CTNND2: variants seen among roughly 807,000 people sequenced by gnomAD.
CTNND2 encodes the protein catenin delta 2.
Under a neutral mutation model 144.4 loss-of-function variants are expected in CTNND2, and 22 were observed. The observed-to-expected ratio is 0.15, with a 90% confidence interval of 0.11 to 0.22. The LOEUF (loss-of-function observed/expected upper bound fraction) is 0.22, where lower values mean the gene tolerates loss of function less well. Ranked by LOEUF, CTNND2 falls within the 10% of genes least tolerant of loss-of-function variation. The pLI is 1.00. For synonymous variants in CTNND2, 751 were observed against 695.6 expected, an observed-to-expected ratio of 1.08 and a Z score of -1.25; for missense variants, 1,353 against 1,618.8, an observed-to-expected ratio of 0.84 and a Z score of 2.82.
intron 2 of CTNND2, among the ~76,000 whole-genome samples, chr5:11,720,969 T>C (rs959408912): frequency 6.6e-6 from 1 of 152,182 alleles, no homozygotes. Context: ...TAGGTTTTTA[T>C]TACCCAAGGG....
intron 9 of CTNND2, among the ~76,000 whole-genome samples, chr5:11,304,310 C>T (rs11949781): frequency 2.0e-5 from 3 of 149,304 alleles, no homozygotes; most frequent in Non-Finnish European, 4.4e-5. Flanking sequence ...GCATTACACA[C>T]GGACACACCA....
At chr5:11,851,094 G>A (rs34124145) in intron 1 of CTNND2, among the ~76,000 whole-genome samples, 36,361 of 151,998 alleles carry the variant, frequency 0.24, 4,626 homozygotes, top group Admixed American at 0.29. Context: ...CCCTGTTTGC[G>A]TTCCCGGCCT....
chr5:11,065,622 A>AT (rs1397558982), intron 16 of CTNND2, among the ~76,000 whole-genome samples: 3 of 152,140 alleles, frequency 2.0e-5, no homozygotes, highest in African/African-American at 4.8e-5. Flanking sequence ...CTAAACTCTG[A>AT]TTTTTTTAAC....
chr5:11,606,633 C>T (rs1194784040), intron 2 of CTNND2, among the ~76,000 whole-genome samples: 2 of 152,166 alleles, frequency 1.3e-5, no homozygotes, highest in Non-Finnish European at 2.9e-5. Flanking sequence ...GGTACCAACA[C>T]AAGTTTGCAA....
chr5:11,287,677 A>G (rs1747890967), intron 9 of CTNND2, among the ~76,000 whole-genome samples: 1 of 152,252 alleles, frequency 6.6e-6, no homozygotes, highest in African/African-American at 2.4e-5. Context: ...GATGATTTGA[A>G]AAGTTTTATT....
intron 1 of CTNND2, among the ~76,000 whole-genome samples, chr5:11,759,799 G>T (rs750368589): frequency 6.6e-6 from 1 of 152,056 alleles, no homozygotes; most frequent in Middle Eastern, 3.2e-3. Flanking sequence ...ATGCTATGCA[G>T]TACTTCTATT....
intron 2 of CTNND2, among the ~76,000 whole-genome samples, chr5:11,651,838 C>T (rs556043940): frequency 5.3e-5 from 8 of 152,190 alleles, no homozygotes; most frequent in African/African-American, 1.9e-4. Context: ...AATGCCTGTT[C>T]CCCCATTGTT....
chr5:11,903,967 C>A lies in CTNND2; in HGVS notation c.-114G>T. On this transcript the variant is annotated 5_prime_UTR_variant, in exon 1 of 22. Transcript: ENST00000304623. The surrounding 1 kb of genome is among the most constrained non-coding windows in gnomAD (Gnocchi z 5.4). Reference sequence around the variant, plus strand: ...CTGCAGCATCTTCCGCTTTTGTTGTCTGAGCGCGGCCGCGGGACAAGGGAT... The same window carrying A: ...CTGCAGCATCTTCCGCTTTTGTTGTATGAGCGCGGCCGCGGGACAAGGGAT... The A allele has an allele frequency of 8.3e-7, 1 of 1,210,770 alleles. No homozygotes were observed. Among genetic ancestry groups the A allele is most frequent in the Non-Finnish European group, 1.0e-6 (1 of 953,982 alleles). 75.0% of individuals were successfully genotyped at this position (1,210,770 alleles called of 1,614,324 possible). A position where few individuals can be genotyped will look rare whatever the true frequency, so the allele number is the denominator to read the frequency against.
At chr5:11,007,380 A>ACGGCATGAACAGC (rs1473883600) in intron 18 of CTNND2, among the ~76,000 whole-genome samples, 1 of 152,146 alleles carries the variant, frequency 6.6e-6, no homozygotes, top group East Asian at 1.9e-4. Context: ...GGCGGTGAGG[A>ACGGCATGAACAGC]CGGCATGAAC....
chr5:11,134,541 A>G (rs1755938246), intron 12 of CTNND2, among the ~76,000 whole-genome samples: 1 of 152,236 alleles, frequency 6.6e-6, no homozygotes, highest in Non-Finnish European at 1.5e-5. Context: ...ATAAAACAAA[A>G]GGAAACCCAC....
chr5:11,437,880 C>T (rs531651594), intron 3 of CTNND2, among the ~76,000 whole-genome samples: 1 of 152,304 alleles, frequency 6.6e-6, no homozygotes, highest in South Asian at 2.1e-4. Flanking sequence ...ATTCCACAAG[C>T]ACCCTCACAC....
chr5:11,380,058 C>A (rs1758325901), intron 7 of CTNND2, among the ~76,000 whole-genome samples: 1 of 152,198 alleles, frequency 6.6e-6, no homozygotes, highest in Admixed American at 6.5e-5. Context: ...GTTCTGGGAC[C>A]ACTTCATCAA....
intron 1 of CTNND2, among the ~76,000 whole-genome samples, chr5:11,778,017 A>G (rs371062459): frequency 2.0e-5 from 3 of 152,282 alleles, no homozygotes; most frequent in Admixed American, 2.0e-4. Flanking sequence ...TACTTGTCCC[A>G]AACTACCTGT....
intron 1 of CTNND2, among the ~76,000 whole-genome samples, chr5:11,786,188 G>T (rs1790822215): frequency 1.3e-5 from 2 of 152,244 alleles, no homozygotes; most frequent in Admixed American, 6.5e-5. Flanking sequence ...CCAGCTGGCA[G>T]AGGACAGGGG....
chr5:11,323,233 G>GA (rs71595816), intron 9 of CTNND2, among the ~76,000 whole-genome samples: 1 of 118,110 alleles, frequency 8.5e-6, no homozygotes, highest in East Asian at 3.0e-4. Flanking sequence ...TTAGAGATTG[G>GA]GGGGGGGGGT....
At chr5:11,307,906 G>T (rs1387825221) in intron 9 of CTNND2, among the ~76,000 whole-genome samples, 1 of 152,128 alleles carries the variant, frequency 6.6e-6, no homozygotes, top group Non-Finnish European at 1.5e-5. Context: ...AGGTGATTAG[G>T]TTATGAGAGT....
intron 2 of CTNND2, among the ~76,000 whole-genome samples, chr5:11,593,730 T>C (rs1348742329): frequency 1.3e-5 from 2 of 152,216 alleles, no homozygotes; most frequent in Non-Finnish European, 2.9e-5. Context: ...TCCCCACCCA[T>C]GTGGAATTGT....
At chr5:11,809,495 T>A (rs892136250) in intron 1 of CTNND2, among the ~76,000 whole-genome samples, 8 of 152,200 alleles carry the variant, frequency 5.3e-5, no homozygotes, top group Non-Finnish European at 8.8e-5. Context: ...AGGATAGCCA[T>A]AAACCATGAA....
At chr5:11,202,462 C>T (rs1297126850) in intron 10 of CTNND2, among the ~76,000 whole-genome samples, 5 of 152,076 alleles carry the variant, frequency 3.3e-5, no homozygotes, top group African/African-American at 1.2e-4. Flanking sequence ...TTCTTTTGCT[C>T]TTATTTGGGG....
Sources: allele counts gnomAD v4.1 joint callset (sites outside exome capture counted in the v4.1 genomes callset), GRCh38; gene constraint gnomAD v4.1.1; non-coding constraint Gnocchi (gnomAD v3.1); transcripts MANE v1.5; gene names NCBI Gene and HGNC (gene_info 2026-07-23, HGNC 2026-07-21).